PTGR1: variants seen among roughly 807,000 people sequenced by gnomAD.
The protein encoded by PTGR1 is prostaglandin reductase 1.
In PTGR1, 23 loss-of-function variants were observed where a neutral mutation model predicts 37.7. The ratio of observed to expected loss-of-function variants is 0.61; its 90% CI spans 0.44 to 0.86. The LOEUF (loss-of-function observed/expected upper bound fraction) is 0.86, where lower values mean the gene tolerates loss of function less well. PTGR1 is among the 40% of genes least tolerant of loss of function. PTGR1 has a pLI of 0.00. For missense variants in PTGR1, 351 were observed against 394.3 expected, an observed-to-expected ratio of 0.89 and a Z score of 0.93; for synonymous variants, 134 against 140.0, an observed-to-expected ratio of 0.96 and a Z score of 0.30.
rs199615972 is a variant in PTGR1 at position 111,594,262 on chromosome 9, G to C, written c.112C>G (p.Leu38Val). The C allele has an allele frequency of 9.1e-5, 147 of 1,613,418 alleles. No individual in the cohort carries two copies. In the Middle Eastern group the frequency reaches 2.1e-3, roughly 24 times the overall value. The change falls in exon 3 of 10, where the codon CTG (leucine) becomes GTG (valine). Residue 38 changes from leucine to valine, a missense_variant. Leu to Val is a conservative substitution (Grantham distance 32, BLOSUM62 1). Transcript: ENST00000407693. ...ELPPLKNGEV[L>V]LEALFLTVDP... ...ACGGTGAGGAACAAAGCTTCAAGCA[G>C]GACCTCTACAAAATAAAGCATTCCA...
intron 7 of PTGR1, among the ~76,000 whole-genome samples, chr9:111,576,120 C>CTG (rs1829042552): frequency 6.6e-6 from 1 of 151,378 alleles, no homozygotes; most frequent in Non-Finnish European, 1.5e-5. Flanking sequence ...TCATCACATA[C>CTG]TGCACTCCAG....
At chr9:111,587,267 T>C (rs963274602) in intron 4 of PTGR1, among the ~76,000 whole-genome samples, 3 of 152,166 alleles carry the variant, frequency 2.0e-5, no homozygotes, top group African/African-American at 4.8e-5. Flanking sequence ...CAACTCTTTA[T>C]CCTTCTTTAC....
chr9:111,580,348 T>A (rs905088817), intron 6 of PTGR1, among the ~76,000 whole-genome samples: 7 of 152,226 alleles, frequency 4.6e-5, no homozygotes, highest in African/African-American at 1.4e-4. Context: ...AAGAGAATGA[T>A]ACCACTCAGT....
intron 4 of PTGR1, among the ~76,000 whole-genome samples, chr9:111,586,647 C>T (rs1033484363): frequency 5.3e-5 from 8 of 151,942 alleles, no homozygotes; most frequent in African/African-American, 1.9e-4. Context: ...TTCAGCCAAA[C>T]TTCTTCACTT....
At chr9:111,598,941 C>T (rs1241542346) in intron 1 of PTGR1, among the ~76,000 whole-genome samples, 2 of 152,184 alleles carry the variant, frequency 1.3e-5, no homozygotes, top group Non-Finnish European at 2.9e-5. Context: ...CCAACAAGCC[C>T]CCATTCCCCC....
At chr9:111,579,071 A>G in intron 6 of PTGR1, 120 bp from the exon 7 acceptor site, 1 of 933,862 alleles carries the variant, frequency 1.1e-6, no homozygotes, top group South Asian at 2.1e-5. Flanking sequence ...GCTGAGCCAC[A>G]TATAAAAGGA....
rs1050543503 is a variant in PTGR1 at position 111,589,369 on chromosome 9, A to G, written c.210-3204T>C. ...TCCATAGACGATTTCTACCAATGGT[A>G]TTATAATAACTGGCTAGTCATTGAG... On this transcript the variant is annotated intron_variant, in intron 4 of 9. Coordinates refer to ENST00000407693, the MANE Select transcript of PTGR1 (RefSeq NM_001146108.2). 7.9e-6 allele frequency: 7 copies of G among 889,278 alleles called. No individual in the cohort carries two copies. The African/African-American group carries it at 9.1e-5, about 12-fold the overall frequency. The allele number at this position is 889,278 out of a possible 1,614,324, so 55.1% of individuals were successfully genotyped here.
intron 5 of PTGR1, among the ~76,000 whole-genome samples, chr9:111,584,820 G>T (rs910863624): frequency 6.6e-6 from 1 of 152,126 alleles, no homozygotes; most frequent in Admixed American, 6.5e-5. Context: ...GAAGAAAAAA[G>T]AAATCCTGAG....
At chr9:111,574,148 G>A (rs1273319653) in intron 8 of PTGR1, 12 of 152,176 alleles carry the variant, frequency 7.9e-5, no homozygotes, top group Non-Finnish European at 1.6e-4. Context: ...TTACCAGCCA[G>A]ACCAAGGTGT....
At chr9:111,550,640 G>T (rs560227179) in intron 9 of PTGR1, among the ~76,000 whole-genome samples, 4 of 152,266 alleles carry the variant, frequency 2.6e-5, no homozygotes, top group African/African-American at 9.6e-5. Flanking sequence ...AGGTGGAGAG[G>T]TGGATTCCTG....
intron 9 of PTGR1, among the ~76,000 whole-genome samples, chr9:111,551,576 T>G (rs1346839962): frequency 6.6e-6 from 1 of 151,908 alleles, no homozygotes; most frequent in Non-Finnish European, 1.5e-5. Flanking sequence ...CCTGGCTAAT[T>G]ATTTTAGTAG....
chr9:111,594,374 G>A, intron 2 of PTGR1, 107 bp from the exon 3 acceptor site: 3 of 989,680 alleles, frequency 3.0e-6, no homozygotes, highest in Non-Finnish European at 4.8e-6. Flanking sequence ...CAAGGGTTGA[G>A]AAACCACCCA....
At chr9:111,595,955 C>T (rs1383195216) in intron 2 of PTGR1, among the ~76,000 whole-genome samples, 1 of 152,134 alleles carries the variant, frequency 6.6e-6, no homozygotes, top group Non-Finnish European at 1.5e-5. Flanking sequence ...ATAGTCTGAA[C>T]TCTTCGTATA....
downstream of PTGR1, among the ~76,000 whole-genome samples, chr9:111,560,962 TATATATATATATAGAGAGAGAGAG>T (rs780733435): frequency 5.9e-4 from 27 of 45,906 alleles, 1 homozygote; most frequent in East Asian, 6.8e-3. Context: ...TATATATATA[TATATATATATATAGAGAGAGAGAG>T]AGAGAGAGAG....
intron 9 of PTGR1, chr9:111,569,799 G>A (rs2132345952): frequency 5.2e-6 from 2 of 383,440 alleles, no homozygotes; most frequent in East Asian, 6.0e-5. Flanking sequence ...AATGGAAAGA[G>A]AGGAATGGCA....
At chr9:111,574,653 G>T in intron 8 of PTGR1, 81 bp downstream of exon 8, 3 of 817,090 alleles carry the variant, frequency 3.7e-6, no homozygotes, top group Non-Finnish European at 5.7e-6. Flanking sequence ...TAATTTCAGA[G>T]TCACTGGCCT....
chr9:111,586,700 A>G (rs1829438749), intron 4 of PTGR1, among the ~76,000 whole-genome samples: 1 of 151,222 alleles, frequency 6.6e-6, no homozygotes. Context: ...TTCCACCCCT[A>G]CTACTCCACT....
intron 9 of PTGR1, among the ~76,000 whole-genome samples, chr9:111,551,669 C>T (rs966811229): frequency 2.6e-5 from 4 of 151,986 alleles, no homozygotes; most frequent in Admixed American, 6.6e-5. Flanking sequence ...CCCAAAGTGC[C>T]GGGATTACAG....
chr9:111,598,784 C>T lies in PTGR1; in HGVS notation c.-11+819G>A, dbSNP rs1259982724. Among the ~76,000 whole-genome samples, 4 of 152,288 alleles carry T rather than the reference C, an allele frequency of 2.6e-5. No individual in the cohort carries two copies. In the East Asian group the frequency reaches 7.7e-4, roughly 29 times the overall value. ...TGCTGGGATTACAGGCGTGAGCCAC[C>T]GCGCCAGGCCCTACGTATCATTTTT... On this transcript the variant is annotated intron_variant, in intron 1 of 9. Transcript: ENST00000407693.
Sources: gnomAD v4.1 joint callset for allele counts (sites outside exome capture counted in the v4.1 genomes callset) on GRCh38, gnomAD v4.1.1 for gene constraint, MANE v1.5 for transcripts, NCBI Gene and HGNC (gene_info 2026-07-23, HGNC 2026-07-21) for gene names.